NR2E1: variants seen among roughly 807,000 people sequenced by gnomAD.
NR2E1 encodes the protein nuclear receptor subfamily 2 group E member 1.
A neutral mutation model predicts 43.6 loss-of-function variants in NR2E1; 5 were observed. That is an observed-to-expected ratio of 0.11 (90% CI 0.06 to 0.24). The LOEUF is 0.24. NR2E1 is among the 10% of genes least tolerant of loss of function. The probability of loss-of-function intolerance (pLI) is 1.00; values close to 1 mark genes in which losing one functional copy is unlikely to be tolerated. For synonymous variants in NR2E1, 191 were observed against 195.5 expected (o/e 0.98, Z 0.19); for missense variants, 287 against 496.7 (o/e 0.58, Z 4.01).
intron 2 of NR2E1, among the ~76,000 whole-genome samples, chr6:108,172,000 ACACT>A (rs1251605557): frequency 6.6e-6 from 1 of 152,080 alleles, no homozygotes; most frequent in Non-Finnish European, 1.5e-5. Flanking sequence ...TGCCCACCCC[ACACT>A]CACTCCTAGC....
At chr6:108,177,561 G>A (rs142460634) in intron 4 of NR2E1, among the ~76,000 whole-genome samples, 2 of 152,352 alleles carry the variant, frequency 1.3e-5, no homozygotes, top group Non-Finnish European at 2.9e-5. Flanking sequence ...TCTTACCCTT[G>A]ATGTGTATAA....
chr6:108,175,129 C>G (rs1056308276), intron 3 of NR2E1, among the ~76,000 whole-genome samples: 1 of 152,178 alleles, frequency 6.6e-6, no homozygotes, highest in African/African-American at 2.4e-5. Flanking sequence ...AGGGCAAGAC[C>G]CATGCCCACA....
At position 108,169,964 on chromosome 6, in the gene NR2E1, C is replaced by T. The variant is rs1012660694; in HGVS notation, c.26-1494C>T. 1.6e-4 allele frequency among the ~76,000 whole-genome samples: 24 copies of T among 151,250 alleles called. No individual in the cohort carries two copies. The highest frequency in any genetic ancestry group is 5.4e-4 in the African/African-American group (22 of 41,120). On this transcript the variant is annotated intron_variant, in intron 1 of 8. Coordinates refer to ENST00000368986, the MANE Select transcript of NR2E1 (RefSeq NM_003269.5). This position sits in a 1 kb window ranked among gnomAD's most constrained non-coding sequence, Gnocchi z 6.1. ...TACCGAACACCCCCTCACCCCCAAG[C>T]ACGGTCCCCCGCGCTCTCCTTCCCC... is the stretch of plus-strand genomic sequence containing the variant.
chr6:108,175,890 C>G (rs998122643), intron 3 of NR2E1, among the ~76,000 whole-genome samples: 2 of 152,364 alleles, frequency 1.3e-5, no homozygotes, highest in African/African-American at 4.8e-5. Flanking sequence ...TTTGTTTAAA[C>G]TGTTGGTGGT....
rs752997658 is a variant in NR2E1, at chr6:108,176,582, G to A, written c.339G>A (p.Glu113=). 6.2e-7 allele frequency: 1 copy of A among 1,613,014 alleles called. No individual in the cohort carries two copies. The change falls in exon 4 of 9, where the codon GAG becomes GAA. Residue 113 remains glutamate, a synonymous_variant. Transcript: ENST00000368986. ...VALYFRGHKE[E]NGAAAHFPSA... is the part of the protein sequence containing the mutation. ...TCTACTTCCGTGGACACAAGGAGGAGAACGGGGCCGCCGCGCACTTTCCCT... is the reference window on the plus strand; with the variant it reads ...TCTACTTCCGTGGACACAAGGAGGAAAACGGGGCCGCCGCGCACTTTCCCT...
rs751419452 is a variant in NR2E1, at chr6:108,180,831, C to A, written c.764C>A (p.Ser255Tyr). 6.2e-7 allele frequency: 1 copy of A among 1,614,060 alleles called. No homozygotes were observed. Among genetic ancestry groups the A allele is most frequent in the Admixed American group, 1.7e-5 (1 of 60,018 alleles). Reference sequence around the variant, plus strand: ...GGCATGAACGGTGACAACACAGATTCCCAGAAGCTGAACAAGATCATATCT... The same window carrying A: ...GGCATGAACGGTGACAACACAGATTACCAGAAGCTGAACAAGATCATATCT... The part of the protein sequence containing the change: ...VSGMNGDNTD[S>Y]QKLNKIISEI... Residue 255 changes from serine to tyrosine, a missense_variant, in exon 7 of 9, where the codon TCC becomes TAC. Ser to Tyr is a moderately radical substitution (Grantham distance 144). This residue lies in a region of NR2E1 where 119 missense variants were observed against 187.0 expected (regional missense o/e 0.64). Coordinates refer to ENST00000368986, the MANE Select transcript of NR2E1 (RefSeq NM_003269.5). The surrounding 1 kb of genome is among the most constrained non-coding windows in gnomAD (Gnocchi z 5.4).
At chr6:108,170,841 C>A (rs1486739826) in intron 1 of NR2E1, among the ~76,000 whole-genome samples, 8 of 152,176 alleles carry the variant, frequency 5.3e-5, no homozygotes, top group African/African-American at 1.4e-4. Flanking sequence ...TTCTCTAAAG[C>A]GACTCACCAA....
At chr6:108,174,998 T>G in intron 3 of NR2E1, 75 bp downstream of exon 3, 2 of 1,353,882 alleles carry the variant, frequency 1.5e-6, no homozygotes, top group Non-Finnish European at 2.1e-6. Flanking sequence ...TACATGGCAC[T>G]CCTATGCATG....
Position 108,176,633 on chromosome 6 carries a change from C to T in NR2E1, c.390C>T (p.Phe130=), listed in dbSNP as rs769607470. Residue 130 remains phenylalanine, a synonymous_variant, in exon 4 of 9, where the codon TTC becomes TTT. Transcript: ENST00000368986. The part of the protein sequence containing the change: ...FPSAALPAPA[F]FTAVTQLEPH... ...CGGCGGCGCTCCCTGCGCCGGCCTTCTTCACCGCGGTCACGCAGCTGGAGC... is the reference window on the plus strand; with the variant it reads ...CGGCGGCGCTCCCTGCGCCGGCCTTTTTCACCGCGGTCACGCAGCTGGAGC... 4 of 1,610,372 alleles carry T rather than the reference C, an allele frequency of 2.5e-6. No individual in the cohort carries two copies. Among genetic ancestry groups the T allele is most frequent in the Non-Finnish European group, 2.5e-6 (3 of 1,179,438 alleles).
intron 8 of NR2E1, among the ~76,000 whole-genome samples, chr6:108,184,720 G>T (rs1176498835): frequency 1.3e-5 from 2 of 152,074 alleles, no homozygotes; most frequent in African/African-American, 4.8e-5. Context: ...TGATAGGGTG[G>T]CCCGAGAGAA....
intron 8 of NR2E1, among the ~76,000 whole-genome samples, chr6:108,182,988 A>G (rs1041951194): frequency 6.6e-6 from 1 of 152,182 alleles, no homozygotes; most frequent in Non-Finnish European, 1.5e-5. Flanking sequence ...GGCCTGGGCC[A>G]CTGTGCCCAG....
chr6:108,176,526 C>T lies in NR2E1; in HGVS notation c.283C>T (p.Arg95Trp). The T allele has an allele frequency of 6.2e-7, 1 of 1,613,008 alleles. No homozygotes were observed. Among genetic ancestry groups the T allele is most frequent in the African/African-American group, 1.3e-5 (1 of 75,060 alleles). ...KDAVQHERGPRTSTIRKQVAL... is the reference protein window; with the variant it reads ...KDAVQHERGPWTSTIRKQVAL... ...AGCCGTGCAGCACGAGCGGGGGCCT[C>T]GGACGTCCACCATCCGCAAGCAAGT... The change falls in exon 4 of 9, where the codon CGG (arginine) becomes TGG (tryptophan). Residue 95 changes from arginine to tryptophan, a missense_variant. Arg to Trp is a moderately radical substitution (Grantham distance 101, BLOSUM62 -3). Around this residue, in one of 4 missense-constraint regions of NR2E1, gnomAD observed 46 missense variants for 132.3 expected, o/e 0.35. Coordinates refer to ENST00000368986, the MANE Select transcript of NR2E1 (RefSeq NM_003269.5).
chr6:108,179,594 T>C (rs1773953201), intron 5 of NR2E1, among the ~76,000 whole-genome samples: 1 of 151,880 alleles, frequency 6.6e-6, no homozygotes, highest in South Asian at 2.1e-4. Flanking sequence ...AAAATTTACT[T>C]ACTGTCTGCC....
rs1297138934 is a variant in NR2E1 at position 108,176,620 on chromosome 6, C to G, written c.377C>G (p.Pro126Arg). 1 of 1,611,540 alleles carries G rather than the reference C, an allele frequency of 6.2e-7. No homozygotes were observed. The highest frequency in any genetic ancestry group is 8.5e-7 in the Non-Finnish European group (1 of 1,179,650). ...AAAHFPSAAL[P>R]APAFFTAVTQ... ...GCGCACTTTCCCTCGGCGGCGCTCC[C>G]TGCGCCGGCCTTCTTCACCGCGGTC... Residue 126 changes from proline to arginine, a missense_variant, in exon 4 of 9, where the codon CCT (proline) becomes CGT (arginine). Pro to Arg is a moderately radical substitution (Grantham distance 103, BLOSUM62 -2). Transcript: ENST00000368986.
rs1020474072 is a variant in NR2E1, at chr6:108,169,575, G to A, written c.26-1883G>A. On this transcript the variant is annotated intron_variant, in intron 1 of 8. Transcript: ENST00000368986. This position sits in a 1 kb window ranked among gnomAD's most constrained non-coding sequence, Gnocchi z 6.1. ...GGTCAGAGGGCGCGTGTTAAGCAGAGGATGGTTGTAAGATATGGAAACCAA... is the reference window on the plus strand; with the variant it reads ...GGTCAGAGGGCGCGTGTTAAGCAGAAGATGGTTGTAAGATATGGAAACCAA... Among the ~76,000 whole-genome samples the A allele has an allele frequency of 6.6e-6, 1 of 152,188 alleles. No homozygotes were observed. The highest frequency in any genetic ancestry group is 6.5e-5 in the Admixed American group (1 of 15,284).
At chr6:108,174,746 G>A (rs2233492) in intron 2 of NR2E1, 90 bp from the exon 3 acceptor site, 564,076 of 1,083,026 alleles carry the variant, frequency 0.52, 150,273 homozygotes, top group African/African-American at 0.6. Context: ...GCAAGGTCGC[G>A]CCTCCACACC....
chr6:108,167,486 C>A (rs956841032), intron 1 of NR2E1, among the ~76,000 whole-genome samples: 3 of 152,178 alleles, frequency 2.0e-5, no homozygotes, highest in Non-Finnish European at 2.9e-5. Flanking sequence ...TCTCCGAACG[C>A]CAGGCCGCAG....
At position 108,169,193 on chromosome 6, in the gene NR2E1, C is replaced by T. The variant is rs1000691750; in HGVS notation, c.26-2265C>T. Among the ~76,000 whole-genome samples, 3 of 152,214 alleles carry T rather than the reference C, an allele frequency of 2.0e-5. No homozygotes were observed. The highest frequency in any genetic ancestry group is 2.9e-5 in the Non-Finnish European group (2 of 68,034). On this transcript the variant is annotated intron_variant, in intron 1 of 8. Transcript: ENST00000368986. The surrounding 1 kb of genome is among the most constrained non-coding windows in gnomAD (Gnocchi z 6.1). Reference sequence around the variant, plus strand: ...GCTATGCCCCGGAATTTTCGCGTCCCTCCCTCCTGGGCCCCGCCCCAGCCC... The same window carrying T: ...GCTATGCCCCGGAATTTTCGCGTCCTTCCCTCCTGGGCCCCGCCCCAGCCC...
Position 108,187,969 on chromosome 6 carries a change from G to T in NR2E1, c.*506G>T, listed in dbSNP as rs1396262382. 1 of 173,278 alleles carries T rather than the reference G, an allele frequency of 5.8e-6. No homozygotes were observed. The highest frequency in any genetic ancestry group is 1.3e-5 in the Non-Finnish European group (1 of 79,012). The allele number at this position is 173,278 out of a possible 1,614,324, so 10.7% of individuals were successfully genotyped here. A position where few individuals can be genotyped will look rare whatever the true frequency, so the allele number is the denominator to read the frequency against. On this transcript the variant is annotated 3_prime_UTR_variant, in exon 9 of 9. Coordinates refer to ENST00000368986, the MANE Select transcript of NR2E1 (RefSeq NM_003269.5). ...TGTTATCAAAAGTTTCCCCTCTATT[G>T]TAATACATTATTAAGTGGCCTTCAG... is the stretch of plus-strand genomic sequence containing the variant.
Sources: gnomAD v4.1 joint callset for allele counts (sites outside exome capture counted in the v4.1 genomes callset) on GRCh38, gnomAD v4.1.1 for gene constraint, gnomAD v4.1.1 regional missense constraint, Gnocchi (gnomAD v3.1) non-coding constraint, MANE v1.5 for transcripts, NCBI Gene and HGNC (gene_info 2026-07-23, HGNC 2026-07-21) for gene names.